KLHDC4: variants seen among roughly 807,000 people sequenced by gnomAD.
The protein encoded by KLHDC4 is kelch domain containing 4.
KLHDC4 carries 90 observed loss-of-function variants against 62.4 expected under a neutral mutation model. That is an observed-to-expected ratio of 1.44 (90% CI 1.22 to 1.72). The LOEUF is 1.72. KLHDC4 is among the 40% of genes most tolerant of loss of function. The pLI is 0.00. For missense variants in KLHDC4, 1,025 were observed against 699.7 expected (o/e 1.47, Z -5.25); for synonymous variants, 386 against 284.4 (o/e 1.36, Z -3.59).
chr16:87,716,234 C>A (rs568690303), intron 7 of KLHDC4, among the ~76,000 whole-genome samples: 5 of 151,608 alleles, frequency 3.3e-5, no homozygotes, highest in African/African-American at 1.2e-4. Context: ...ACTTTGGGTA[C>A]GCGCTATGTC....
intron 7 of KLHDC4, among the ~76,000 whole-genome samples, chr16:87,715,134 G>T (rs2036686329): frequency 6.6e-6 from 1 of 152,174 alleles, no homozygotes; most frequent in African/African-American, 2.4e-5. Context: ...TGCCCTACAA[G>T]TCCTGGTGCC....
intron 1 of KLHDC4, among the ~76,000 whole-genome samples, chr16:87,763,888 TCAGA>T (rs1156936330): frequency 1.3e-5 from 2 of 152,110 alleles, no homozygotes; most frequent in African/African-American, 4.8e-5. Flanking sequence ...AAAAGACGAC[TCAGA>T]CGGAGTATGG....
At chr16:87,727,817 C>T (rs1217313207) in intron 6 of KLHDC4, among the ~76,000 whole-genome samples, 1 of 152,116 alleles carries the variant, frequency 6.6e-6, no homozygotes, top group African/African-American at 2.4e-5. Context: ...CCGGTTTTCT[C>T]CTGTTTGTTC....
chr16:87,733,845 C>A (rs2040822715), intron 5 of KLHDC4, among the ~76,000 whole-genome samples: 1 of 152,348 alleles, frequency 6.6e-6, no homozygotes, highest in Middle Eastern at 3.4e-3. Context: ...CTTTCACACC[C>A]ACTCTCTGCC....
In KLHDC4 at chr16:87,761,202, G is replaced by T. The variant is rs187609482; in HGVS notation, c.191+747C>A. Among the ~76,000 whole-genome samples, 5 of 152,324 alleles carry T rather than the reference G, an allele frequency of 3.3e-5. No individual in the cohort carries two copies. The East Asian group carries it at 7.7e-4, about 24-fold the overall frequency. On this transcript the variant is annotated intron_variant, in intron 2 of 11. Coordinates refer to ENST00000270583, the MANE Select transcript of KLHDC4 (RefSeq NM_017566.4). ...CCAACACCACTCACTCTGCTCAGGG[G>T]CTGATCACCGTGCTCCTCCCACCTC... is the stretch of plus-strand genomic sequence containing the variant.
At chr16:87,708,647 G>T in intron 10 of KLHDC4, 181 bp from the exon 11 acceptor site, 2 of 439,194 alleles carry the variant, frequency 4.6e-6, no homozygotes, top group Non-Finnish European at 4.0e-6. Context: ...GCGTTCCCCT[G>T]GGCTTCAGGA....
chr16:87,743,566 C>A (rs2042565989), intron 5 of KLHDC4, among the ~76,000 whole-genome samples: 1 of 151,870 alleles, frequency 6.6e-6, no homozygotes, highest in African/African-American at 2.4e-5. Flanking sequence ...CAGTGAAACC[C>A]CGTCTCTACT....
chr16:87,704,319 GCCTGGGGAGGGC>G (rs1386712677), downstream of KLHDC4, among the ~76,000 whole-genome samples: 5 of 148,078 alleles, frequency 3.4e-5, no homozygotes, highest in African/African-American at 7.5e-5. Context: ...GGAAGGAGGC[GCCTGGGGAGGGC>G]CCTGGGGAGG....
At chr16:87,721,881 C>G (rs551661775) in intron 7 of KLHDC4, among the ~76,000 whole-genome samples, 1 of 152,006 alleles carries the variant, frequency 6.6e-6, no homozygotes. Flanking sequence ...AGCAGGACTC[C>G]GCCCCTCGCT....
At chr16:87,723,519 G>A (rs776196669) in intron 7 of KLHDC4, among the ~76,000 whole-genome samples, 3 of 152,280 alleles carry the variant, frequency 2.0e-5, no homozygotes, top group Non-Finnish European at 4.4e-5. Flanking sequence ...CATCCTGCCT[G>A]GCTTTCAGCC....
intron 5 of KLHDC4, among the ~76,000 whole-genome samples, chr16:87,744,203 G>A (rs921984597): frequency 7.9e-5 from 12 of 152,060 alleles, no homozygotes; most frequent in South Asian, 6.2e-4. Context: ...ATCACCTGAG[G>A]TCAGGAGTTC....
intron 7 of KLHDC4, among the ~76,000 whole-genome samples, chr16:87,715,558 C>T (rs1247935408): frequency 6.6e-6 from 1 of 152,174 alleles, no homozygotes; most frequent in Non-Finnish European, 1.5e-5. Context: ...TTCTCCGACT[C>T]TCCTTGTCTC....
chr16:87,719,047 G>A (rs922584492), intron 7 of KLHDC4, among the ~76,000 whole-genome samples: 1 of 151,250 alleles, frequency 6.6e-6, no homozygotes, highest in Non-Finnish European at 1.5e-5. Flanking sequence ...CCATCCGGGA[G>A]GTGGGGGGCA....
At chr16:87,761,851 A>AGT in intron 2 of KLHDC4, 98 bp downstream of exon 2, 1 of 1,120,282 alleles carries the variant, frequency 8.9e-7, no homozygotes, top group Non-Finnish European at 1.3e-6. Context: ...AAATGTCCCA[A>AGT]GTGCCTGGTC....
chr16:87,701,952 G>C (rs1334164603), exon 1 of KLHDC4: 9 of 456,160 alleles, frequency 2.0e-5, no homozygotes, highest in Non-Finnish European at 3.5e-5. Context: ...ATGGGGCTCT[G>C]CTCTGTCCTT....
At chr16:87,712,596 T>C (rs66841345) in intron 8 of KLHDC4, among the ~76,000 whole-genome samples, 8,705 of 152,312 alleles carry the variant, frequency 0.057, 331 homozygotes, top group South Asian at 0.17. Context: ...CACTGGGGTG[T>C]AGGCTGGAAA....
At chr16:87,702,530 G>A (rs1027754692) in exon 1 of KLHDC4, 15 of 355,136 alleles carry the variant, frequency 4.2e-5, no homozygotes, top group South Asian at 1.3e-4. Context: ...TGGCCTCCTC[G>A]GGGGCAGGCG....
intron 7 of KLHDC4, among the ~76,000 whole-genome samples, chr16:87,724,609 A>T (rs1038340580): frequency 5.3e-5 from 8 of 152,212 alleles, no homozygotes; most frequent in African/African-American, 1.7e-4. Flanking sequence ...GTCATGAGAG[A>T]AATGAGAATT....
downstream of KLHDC4, among the ~76,000 whole-genome samples, chr16:87,703,839 G>T (rs1390373054): frequency 1.3e-5 from 2 of 152,250 alleles, no homozygotes; most frequent in Non-Finnish European, 2.9e-5. Context: ...GGTGTGGCCA[G>T]GCCCCAGATG....
Sources: allele counts gnomAD v4.1 joint callset (sites outside exome capture counted in the v4.1 genomes callset), GRCh38; gene constraint gnomAD v4.1.1; transcripts MANE v1.5; gene names NCBI Gene and HGNC (gene_info 2026-07-23, HGNC 2026-07-21).